BICC1: variants seen among roughly 807,000 people sequenced by gnomAD.
The protein encoded by BICC1 is BicC family RNA binding protein 1.
In BICC1, 43 loss-of-function variants were observed where a neutral mutation model predicts 111.0. The ratio of observed to expected loss-of-function variants is 0.39; its 90% CI spans 0.30 to 0.50. The LOEUF (loss-of-function observed/expected upper bound fraction) is 0.50. Ranked by LOEUF, BICC1 falls within the 20% of genes least tolerant of loss-of-function variation. The pLI, the probability that BICC1 is intolerant of heterozygous loss-of-function variation, is 0.88. For missense variants in BICC1, 1,091 were observed against 1,203.2 expected (o/e 0.91, Z 1.38); for synonymous variants, 467 against 434.4 (o/e 1.07, Z -0.93).
In BICC1 at chr10:58,552,638, G is replaced by A. The variant is rs72800553; in HGVS notation, c.190+39305G>A. 1.5e-3 allele frequency among the ~76,000 whole-genome samples: 227 copies of A among 152,190 alleles called. 2 individuals are homozygous for A. The highest frequency in any genetic ancestry group is 3.1e-3 in the Admixed American group (48 of 15,276). On this transcript the variant is annotated intron_variant, in intron 1 of 20. Coordinates refer to ENST00000373886, the MANE Select transcript of BICC1 (RefSeq NM_001080512.3). ...GTTATTCTTATTTCTTAAACACACC[G>A]TAGTGAACTTTTTTGTTTGTGCTAT...
At chr10:58,541,406 A>G (rs1385127721) in intron 1 of BICC1, among the ~76,000 whole-genome samples, 1 of 152,158 alleles carries the variant, frequency 6.6e-6, no homozygotes, top group African/African-American at 2.4e-5. Context: ...TTCTATACTC[A>G]GCAATGACCA....
intron 3 of BICC1, among the ~76,000 whole-genome samples, chr10:58,733,816 C>T (rs184647791): frequency 1.7e-3 from 260 of 152,326 alleles, no homozygotes; most frequent in Non-Finnish European, 2.6e-3. Context: ...AAGTCTCTTT[C>T]ACTCTAGTAT....
Position 58,529,696 on chromosome 10 carries a change from G to A in BICC1, c.190+16363G>A, listed in dbSNP as rs559830339. Among the ~76,000 whole-genome samples the A allele has an allele frequency of 2.7e-3, 417 of 151,866 alleles. 5 individuals carry two copies. The highest frequency in any genetic ancestry group is 0.01 in the Middle Eastern group (3 of 294). ...AATTAGAACTTTTTATATGGGAAAAGAAAACCTGAGATTGTTATAGATCTA... is the reference window on the plus strand; with the variant it reads ...AATTAGAACTTTTTATATGGGAAAAAAAAACCTGAGATTGTTATAGATCTA... On this transcript the variant is annotated intron_variant, in intron 1 of 20. Coordinates refer to ENST00000373886, the MANE Select transcript of BICC1 (RefSeq NM_001080512.3).
At chr10:58,565,795 TG>T (rs1446428137) in intron 1 of BICC1, among the ~76,000 whole-genome samples, 1 of 152,162 alleles carries the variant, frequency 6.6e-6, no homozygotes, top group African/African-American at 2.4e-5. Flanking sequence ...TTGTTTTTTT[TG>T]AAAGGTCAAT....
chr10:58,607,208 C>T (rs577275929), intron 1 of BICC1, among the ~76,000 whole-genome samples: 276 of 151,018 alleles, frequency 1.8e-3, no homozygotes, highest in African/African-American at 6.4e-3. Context: ...CCCAGCTACT[C>T]GGGAGGCTGA....
rs920195790 is a variant in BICC1, at chr10:58,522,063, A to G, written c.190+8730A>G. 1.4e-4 allele frequency among the ~76,000 whole-genome samples: 21 copies of G among 151,854 alleles called. 1 individual carries two copies. Among genetic ancestry groups the G allele is most frequent in the Admixed American group, 1.1e-3 (16 of 15,198 alleles). On this transcript the variant is annotated intron_variant, in intron 1 of 20. Transcript: ENST00000373886. ...CCACATTATTAAACCATCTTGAAGC[A>G]TTTTAGTCTGGGAACATAATTTATA...
At position 58,750,823 on chromosome 10, in the gene BICC1, G is replaced by GCCC. The variant is rs539625165; in HGVS notation, c.308-34177_308-34176insCCC. ...TTAATGTTCCAGAAATCGGAAACCT[G>GCCC]CTTTTTAATTGGAAGCAGTCTTTAC... On this transcript the variant is annotated intron_variant, in intron 3 of 20. Transcript: ENST00000373886. 5.4e-4 allele frequency among the ~76,000 whole-genome samples: 82 copies of GCCC among 152,206 alleles called. 1 individual carries two copies. The South Asian group carries it at 0.016, about 30-fold the overall frequency.
intron 2 of BICC1, among the ~76,000 whole-genome samples, chr10:58,699,957 G>C (rs1398135180): frequency 6.6e-6 from 1 of 152,176 alleles, no homozygotes; most frequent in Admixed American, 6.5e-5. Flanking sequence ...CTCCCAAAGT[G>C]CTGGGATTAT....
At chr10:58,739,723 A>G (rs552060277) in intron 3 of BICC1, among the ~76,000 whole-genome samples, 3 of 152,174 alleles carry the variant, frequency 2.0e-5, no homozygotes, top group Non-Finnish European at 2.9e-5. Context: ...CAAAATCTAT[A>G]TATAGATATA....
At chr10:58,703,325 A>G (rs1484502999) in intron 3 of BICC1, among the ~76,000 whole-genome samples, 1 of 151,414 alleles carries the variant, frequency 6.6e-6, no homozygotes, top group Non-Finnish European at 1.5e-5. Context: ...ATGCTTGGGT[A>G]ATGTTTGCAT....
intron 3 of BICC1, among the ~76,000 whole-genome samples, chr10:58,725,357 T>C (rs1051147312): frequency 2.6e-5 from 4 of 152,160 alleles, no homozygotes; most frequent in Admixed American, 2.0e-4. Flanking sequence ...CTGCAGACTC[T>C]GCCCAGATGT....
intron 3 of BICC1, among the ~76,000 whole-genome samples, chr10:58,781,374 A>G (rs1436218121): frequency 6.6e-6 from 1 of 152,204 alleles, no homozygotes; most frequent in Non-Finnish European, 1.5e-5. Context: ...CTTATTGAGT[A>G]TCTACCACTT....
chr10:58,774,501 A>G (rs1842699437), intron 3 of BICC1, among the ~76,000 whole-genome samples: 1 of 152,202 alleles, frequency 6.6e-6, no homozygotes, highest in African/African-American at 2.4e-5. Flanking sequence ...TTTGTGCATT[A>G]TAAAAGTATA....
At chr10:58,579,698 A>G (rs1269490401) in intron 1 of BICC1, among the ~76,000 whole-genome samples, 1 of 152,068 alleles carries the variant, frequency 6.6e-6, no homozygotes, top group African/African-American at 2.4e-5. Context: ...TTTCTCTCCT[A>G]CTGCTGAGCC....
At chr10:58,683,335 C>T (rs772581741) in intron 2 of BICC1, among the ~76,000 whole-genome samples, 2 of 152,120 alleles carry the variant, frequency 1.3e-5, no homozygotes, top group Non-Finnish European at 2.9e-5. Context: ...CAGTTTTGTT[C>T]TTTTTGCTTA....
intron 2 of BICC1, among the ~76,000 whole-genome samples, chr10:58,685,047 C>T (rs551216206): frequency 1.3e-5 from 2 of 152,290 alleles, no homozygotes; most frequent in South Asian, 2.1e-4. Flanking sequence ...TTAAATGTGT[C>T]CCAGAGACTC....
At chr10:58,575,709 C>T (rs1459320179) in intron 1 of BICC1, among the ~76,000 whole-genome samples, 2 of 151,926 alleles carry the variant, frequency 1.3e-5, no homozygotes, top group Non-Finnish European at 2.9e-5. Flanking sequence ...TAAGTGTGTG[C>T]CACTGCTCCA....
intron 2 of BICC1, among the ~76,000 whole-genome samples, chr10:58,637,751 A>G (rs1249717082): frequency 1.3e-5 from 2 of 152,262 alleles, no homozygotes; most frequent in African/African-American, 2.4e-5. Context: ...ACATGATAAC[A>G]TAGTAGATTC....
intron 3 of BICC1, among the ~76,000 whole-genome samples, chr10:58,754,752 G>A (rs1374974502): frequency 3.3e-5 from 4 of 119,744 alleles, no homozygotes; most frequent in Admixed American, 9.4e-5. Flanking sequence ...TTGTGAGGGG[G>A]GGTGTGTATG....
Sources: allele counts gnomAD v4.1 joint callset (sites outside exome capture counted in the v4.1 genomes callset), GRCh38; gene constraint gnomAD v4.1.1; transcripts MANE v1.5; gene names NCBI Gene and HGNC (gene_info 2026-07-23, HGNC 2026-07-21).